Variants in TIMP3 observed in about 807,000 individuals in gnomAD.
TIMP3 encodes the protein TIMP metallopeptidase inhibitor 3, also known as metalloproteinase inhibitor 3.
TIMP3 carries 11 observed loss-of-function variants against 30.0 expected under a neutral mutation model. The ratio of observed to expected loss-of-function variants is 0.37; its 90% CI spans 0.23 to 0.61. The LOEUF (loss-of-function observed/expected upper bound fraction) is 0.61, where lower values mean the gene tolerates loss of function less well. Ranked by LOEUF, TIMP3 falls within the 20% of genes least tolerant of loss-of-function variation. TIMP3 has a pLI of 0.70. For missense variants in TIMP3, 181 were observed against 276.8 expected (o/e 0.65, Z 2.45); for synonymous variants, 112 against 111.3 (o/e 1.01, Z -0.04).
chr22:32,851,934 A>T (rs1188601781), intron 2 of TIMP3, among the ~76,000 whole-genome samples: 1 of 152,190 alleles, frequency 6.6e-6, no homozygotes, highest in Non-Finnish European at 1.5e-5. Context: ...TAGTCCGTCC[A>T]TCCATCCTCT....
intron 1 of TIMP3, among the ~76,000 whole-genome samples, chr22:32,821,943 G>A (rs1601450448): frequency 6.6e-6 from 1 of 152,116 alleles, no homozygotes; most frequent in Non-Finnish European, 1.5e-5. Flanking sequence ...ATCACCTGAG[G>A]TCGGGAGTTC....
At chr22:32,844,011 C>T (rs1234418033) in intron 1 of TIMP3, among the ~76,000 whole-genome samples, 1 of 152,074 alleles carries the variant, frequency 6.6e-6, no homozygotes, top group Admixed American at 6.6e-5. Flanking sequence ...AGGATTTGTA[C>T]TGCTCTTCCG....
At chr22:32,827,358 G>T (rs1000811246) in intron 1 of TIMP3, among the ~76,000 whole-genome samples, 5 of 152,240 alleles carry the variant, frequency 3.3e-5, no homozygotes, top group Non-Finnish European at 7.3e-5. Flanking sequence ...AGGCTGGGCA[G>T]AATCTGCCAC....
chr22:32,845,130 T>C (rs748484047), intron 1 of TIMP3, among the ~76,000 whole-genome samples: 43 of 152,104 alleles, frequency 2.8e-4, no homozygotes, highest in Non-Finnish European at 5.4e-4. Flanking sequence ...GAGGCTGAGA[T>C]TCACACTGAG....
At chr22:32,815,297 G>T (rs533980283) in intron 1 of TIMP3, among the ~76,000 whole-genome samples, 19 of 152,328 alleles carry the variant, frequency 1.2e-4, no homozygotes, top group Non-Finnish European at 2.8e-4. Flanking sequence ...GGGAACCCAT[G>T]TGCGGTGACA....
intron 1 of TIMP3, among the ~76,000 whole-genome samples, chr22:32,820,170 T>G (rs2047196405): frequency 6.6e-6 from 1 of 152,122 alleles, no homozygotes; most frequent in Non-Finnish European, 1.5e-5. Flanking sequence ...GGCTGGCTCC[T>G]GTGCCCAAGC....
At chr22:32,805,365 T>TC (rs1314632958) in intron 1 of TIMP3, among the ~76,000 whole-genome samples, 2 of 152,200 alleles carry the variant, frequency 1.3e-5, no homozygotes, top group African/African-American at 4.8e-5. Context: ...GAAGCCATTT[T>TC]CAAAGAAACC....
intron 1 of TIMP3, among the ~76,000 whole-genome samples, chr22:32,840,457 G>C (rs374775325): frequency 3.9e-5 from 6 of 152,138 alleles, no homozygotes; most frequent in African/African-American, 1.4e-4. Flanking sequence ...GGACTTCTCT[G>C]AAGAGAGAGA....
chr22:32,804,601 C>A (rs1049368670), intron 1 of TIMP3, among the ~76,000 whole-genome samples: 1 of 152,216 alleles, frequency 6.6e-6, no homozygotes, highest in Non-Finnish European at 1.5e-5. Context: ...CTCCGGGGGG[C>A]TGCCCGATGG....
At chr22:32,802,815 T>A (rs1164994041) in intron 1 of TIMP3, among the ~76,000 whole-genome samples, 1 of 152,134 alleles carries the variant, frequency 6.6e-6, no homozygotes, top group Non-Finnish European at 1.5e-5. Context: ...CTGTGAAAAT[T>A]CACAGGAAGG....
At chr22:32,811,856 C>G (rs1003062340) in intron 1 of TIMP3, among the ~76,000 whole-genome samples, 7 of 152,188 alleles carry the variant, frequency 4.6e-5, no homozygotes, top group African/African-American at 1.7e-4. Flanking sequence ...CCTCTTTAGA[C>G]AGCTCCCATT....
intron 1 of TIMP3, among the ~76,000 whole-genome samples, chr22:32,834,115 A>G (rs780073183): frequency 4.6e-5 from 7 of 151,794 alleles, no homozygotes; most frequent in Non-Finnish European, 7.4e-5. Context: ...AACATCTAGG[A>G]ACAGGGGTTG....
chr22:32,859,308 C>T lies in TIMP3; in HGVS notation c.567C>T (p.Gly189=), dbSNP rs753287182. The part of the protein sequence containing the change: ...SKHYACIRQK[G]GYCSWYRGWA... The stretch of plus-strand genomic sequence containing the variant: ...ACTACGCCTGCATCCGGCAGAAGGG[C>T]GGCTACTGCAGCTGGTACCGAGGAT... Residue 189 remains glycine (G), a synonymous_variant, in exon 5 of 5, where the codon GGC becomes GGT. Transcript: ENST00000266085. 8.0e-5 allele frequency: 129 copies of T among 1,613,998 alleles called. No individual in the cohort carries two copies. In the Admixed American group the frequency reaches 1.2e-3, roughly 15 times the overall value.
intron 1 of TIMP3, among the ~76,000 whole-genome samples, chr22:32,840,735 C>T (rs1361864508): frequency 6.6e-6 from 1 of 152,184 alleles, no homozygotes; most frequent in Non-Finnish European, 1.5e-5. Context: ...GGCTGAGGCT[C>T]AGATCTGATG....
chr22:32,806,147 G>C (rs1356135079), intron 1 of TIMP3, among the ~76,000 whole-genome samples: 1 of 151,990 alleles, frequency 6.6e-6, no homozygotes, highest in Non-Finnish European at 1.5e-5. Context: ...ATCAGTTAGG[G>C]CTCCCCAGTG....
At chr22:32,833,935 G>T in intron 1 of TIMP3, 1 of 490,848 alleles carries the variant, frequency 2.0e-6, no homozygotes, top group South Asian at 1.5e-5. Flanking sequence ...TTGACAATAG[G>T]ATTTTTATAA....
chr22:32,813,757 G>T (rs1343315162), intron 1 of TIMP3, among the ~76,000 whole-genome samples: 1 of 151,888 alleles, frequency 6.6e-6, no homozygotes, highest in Non-Finnish European at 1.5e-5. Flanking sequence ...TCAAACCTTG[G>T]CCTCGTTCAT....
Position 32,862,616 on chromosome 22 carries a change from T to G in TIMP3, c.*3239T>G, listed in dbSNP as rs1351873994. 6.6e-6 allele frequency: 1 copy of G among 152,202 alleles called. No individual in the cohort carries two copies. The highest frequency in any genetic ancestry group is 1.5e-5 in the Non-Finnish European group (1 of 68,020). The allele number at this position is 152,202 out of a possible 1,614,324, so 9.4% of individuals were successfully genotyped here. A position where few individuals can be genotyped will look rare whatever the true frequency, so the allele number is the denominator to read the frequency against. On this transcript the variant is annotated 3_prime_UTR_variant, in exon 5 of 5. Coordinates refer to ENST00000266085, the MANE Select transcript of TIMP3 (RefSeq NM_000362.5). ...GGTTAACATGTCACTAGAGTATTTTTATGAGAGACAAACATTATAAAAATC... is the reference window on the plus strand; with the variant it reads ...GGTTAACATGTCACTAGAGTATTTTGATGAGAGACAAACATTATAAAAATC...
At chr22:32,842,944 C>A (rs1483134374) in intron 1 of TIMP3, among the ~76,000 whole-genome samples, 1 of 152,158 alleles carries the variant, frequency 6.6e-6, no homozygotes, top group Non-Finnish European at 1.5e-5. Flanking sequence ...AAGGGTCCTT[C>A]CTTTTAGGTA....
Sources: gnomAD v4.1 joint callset for allele counts (sites outside exome capture counted in the v4.1 genomes callset) on GRCh38, gnomAD v4.1.1 for gene constraint, MANE v1.5 for transcripts, NCBI Gene and HGNC (gene_info 2026-07-23, HGNC 2026-07-21) for gene names.